EIF3C: variants seen among roughly 807,000 people sequenced by gnomAD.
EIF3C encodes eukaryotic translation initiation factor 3 subunit C, also known as cell migration-inducing protein 17.
In EIF3C, 2 loss-of-function variants were observed where a neutral mutation model predicts 11.1. That is an observed-to-expected ratio of 0.18 (90% CI 0.07 to 0.57). The LOEUF is 0.57. EIF3C is among the 20% of genes least tolerant of loss of function. The pLI, the probability that EIF3C is intolerant of heterozygous loss-of-function variation, is 0.92. For synonymous variants in EIF3C, 2 were observed against 41.5 expected (o/e 0.05, Z 3.66); for missense variants, 16 against 114.6 (o/e 0.14, Z 3.93).
At position 28,699,549 on chromosome 16, in the gene EIF3C, A is replaced by G. The variant is rs1446686307; in HGVS notation, c.-31+10721A>G. Among the ~76,000 whole-genome samples, 4 of 103,710 alleles carry G rather than the reference A, an allele frequency of 3.9e-5. 1 individual carries two copies. The highest frequency in any genetic ancestry group is 7.6e-5 in the Non-Finnish European group (4 of 52,752). 68.0% of individuals were successfully genotyped at this position (103,710 alleles called of 152,430 possible). A position where few individuals can be genotyped will look rare whatever the true frequency, so the allele number is the denominator to read the frequency against. ...GAAAATAGGAAATGTGAATCCTCCA[A>G]CTTTTTTTTTTGGAGACGGAGTCTC... On this transcript the variant is annotated intron_variant, in intron 1 of 20. Coordinates refer to the EIF3C transcript ENST00000566501.
At chr16:28,699,451 G>GGGGAGA (rs1170687043) in intron 1 of EIF3C, among the ~76,000 whole-genome samples, 1 of 95,768 alleles carries the variant, frequency 1.0e-5, no homozygotes, top group Non-Finnish European at 2.0e-5. Flanking sequence ...GGGAGACCGT[G>GGGGAGA]GGGAGAGGGA....
At chr16:28,729,804 A>T (rs572738297) in intron 15 of EIF3C, among the ~76,000 whole-genome samples, 1 of 147,882 alleles carries the variant, frequency 6.8e-6, no homozygotes, top group South Asian at 2.2e-4. Context: ...TACAAAAAAT[A>T]CAGAAACTAG....
intron 1 of EIF3C, among the ~76,000 whole-genome samples, chr16:28,697,986 C>A (rs2048250029): frequency 2.2e-5 from 1 of 46,198 alleles, no homozygotes; most frequent in African/African-American, 1.6e-4. Flanking sequence ...GGCGGCTGGC[C>A]GGGCGGGGGG....
chr16:28,700,515 C>T lies in EIF3C; in HGVS notation c.-30-11142C>T, dbSNP rs1453488805. On this transcript the variant is annotated intron_variant, in intron 1 of 20. Transcript: ENST00000566501. ...TTTTGGAGTTCCTCAGGGGGGAACT[C>T]GTCACCTCCACGGGTTCCAGGCCAT... The T allele has an allele frequency of 2.1e-5, 7 of 329,632 alleles. 2 individuals carry two copies. The highest frequency in any genetic ancestry group is 1.1e-4 in the African/African-American group (3 of 26,860). The allele number at this position is 329,632 out of a possible 1,614,324, so 20.4% of individuals were successfully genotyped here.
At position 28,723,512 on chromosome 16, in the gene EIF3C, A is replaced by AT. The variant is rs1289248808; in HGVS notation, c.1002dup (p.Glu335Ter). On this transcript the variant is annotated frameshift_variant, in exon 10 of 21. Transcript: ENST00000331666. LOFTEE classifies it high-confidence loss of function. ...CATGCTGTTGTTATCAAGAAACTGA[A>AT]TGAGATCCTACAGGCACGAGGCAAG... 1 of 1,605,472 alleles carries AT rather than the reference A, an allele frequency of 6.2e-7. No individual in the cohort carries two copies. The highest frequency in any genetic ancestry group is 1.7e-5 in the Admixed American group (1 of 59,716).
chr16:28,706,873 G>A (rs1466897167), upstream of EIF3C, among the ~76,000 whole-genome samples: 1 of 1,096 alleles, frequency 9.1e-4, no homozygotes, highest in Non-Finnish European at 1.3e-3. Context: ...AAATACGTAC[G>A]CCCACATGAA....
At chr16:28,694,394 G>C (rs1226746468) in intron 1 of EIF3C, among the ~76,000 whole-genome samples, 1 of 151,174 alleles carries the variant, frequency 6.6e-6, no homozygotes, top group African/African-American at 2.4e-5. Flanking sequence ...ATCAACCTAT[G>C]GTGACAGAAA....
chr16:28,696,803 G>T lies in EIF3C; in HGVS notation c.-31+7975G>T, dbSNP rs1441697223. Reference sequence around the variant, plus strand: ...GAAGGTTGCAGTGAGCCAAGATCATGCCACTGCCCTCCAGCCTGGGCAACA... The same window carrying T: ...GAAGGTTGCAGTGAGCCAAGATCATTCCACTGCCCTCCAGCCTGGGCAACA... On this transcript the variant is annotated intron_variant, in intron 1 of 20. Coordinates refer to the EIF3C transcript ENST00000566501. Among the ~76,000 whole-genome samples, 3 of 75,636 alleles carry T rather than the reference G, an allele frequency of 4.0e-5. 1 individual carries two copies. Among genetic ancestry groups the T allele is most frequent in the Admixed American group, 1.4e-4 (1 of 7,152 alleles). 49.6% of individuals were successfully genotyped at this position (75,636 alleles called of 152,430 possible).
rs1192711760 is a variant in EIF3C at position 28,697,645 on chromosome 16, G to C, written c.-31+8817G>C. Among the ~76,000 whole-genome samples, 183 of 69,702 alleles carry C rather than the reference G, an allele frequency of 2.6e-3. 5 individuals carry two copies. The highest frequency in any genetic ancestry group is 2.4e-3 in the Non-Finnish European group (98 of 40,902). The allele number at this position is 69,702 out of a possible 152,430, so 45.7% of individuals were successfully genotyped here. ...TCTCAATCTTTTCCCCACCTTTCCC[G>C]CCTTTCTATTCCACAAAGCCGCCAT... On this transcript the variant is annotated intron_variant, in intron 1 of 20. Coordinates refer to the EIF3C transcript ENST00000566501.
chr16:28,728,521 G>A (rs868082517), intron 15 of EIF3C, among the ~76,000 whole-genome samples: 1 of 87,012 alleles, frequency 1.1e-5, no homozygotes, highest in East Asian at 2.6e-4. Context: ...ATCTTTTAGG[G>A]GTGTGTGTGT....
intron 1 of EIF3C, among the ~76,000 whole-genome samples, chr16:28,697,891 C>T (rs1382285243): frequency 2.2e-5 from 2 of 89,560 alleles, no homozygotes; most frequent in Admixed American, 9.5e-5. Flanking sequence ...ACCTCCCTCC[C>T]GGACGGGGCG....
chr16:28,698,151 G>C (rs2048252528), intron 1 of EIF3C, among the ~76,000 whole-genome samples: 2 of 96,504 alleles, frequency 2.1e-5, no homozygotes, highest in African/African-American at 8.7e-5. Context: ...CTCCCTCCCG[G>C]ACGGGGCGGC....
At position 28,696,882 on chromosome 16, in the gene EIF3C, G is replaced by C. The variant is rs535621993; in HGVS notation, c.-31+8054G>C. On this transcript the variant is annotated intron_variant, in intron 1 of 20. Transcript: ENST00000566501. ...GACTCAGTTAAGGCACCACTGGAGA[G>C]ACCACACCCCAGAAAGAATGGTTTG... Among the ~76,000 whole-genome samples the C allele has an allele frequency of 3.4e-3, 173 of 51,444 alleles. 68 individuals are homozygous for C. The highest frequency in any genetic ancestry group is 0.021 in the South Asian group (11 of 530). The allele number at this position is 51,444 out of a possible 152,430, so 33.7% of individuals were successfully genotyped here.
chr16:28,700,653 C>T lies in EIF3C; in HGVS notation c.-30-11004C>T, dbSNP rs546943939. 803 of 217,172 alleles carry T rather than the reference C, an allele frequency of 3.7e-3. 210 individuals are homozygous for T. The highest frequency in any genetic ancestry group is 5.1e-3 in the Non-Finnish European group (609 of 119,838). 13.5% of individuals were successfully genotyped at this position (217,172 alleles called of 1,614,324 possible). ...GGCTCCGTGGAGGCTTCCAGCTCGT[C>T]CTTGAAGCTCTCCATGCACTAGCAG... is the stretch of plus-strand genomic sequence containing the variant. On this transcript the variant is annotated intron_variant, in intron 1 of 20. Transcript: ENST00000566501.
chr16:28,689,142 C>T lies in EIF3C; in HGVS notation c.-31+314C>T, dbSNP rs1299382578. The stretch of plus-strand genomic sequence containing the variant: ...GCGAGGCTGGTCTCGAACTCCTGAC[C>T]TCTTGATCTGCCTGCCTCAGCCTCC... On this transcript the variant is annotated intron_variant, in intron 1 of 20. Coordinates refer to the EIF3C transcript ENST00000566501. Among the ~76,000 whole-genome samples, 25 of 40,514 alleles carry T rather than the reference C, an allele frequency of 6.2e-4. 9 individuals carry two copies. The highest frequency in any genetic ancestry group is 8.8e-4 in the Non-Finnish European group (21 of 23,928). The allele number at this position is 40,514 out of a possible 152,430, so 26.6% of individuals were successfully genotyped here.
At position 28,689,462 on chromosome 16, in the gene EIF3C, G is replaced by A. The variant is rs1262988978; in HGVS notation, c.-31+634G>A. 4.0e-5 allele frequency among the ~76,000 whole-genome samples: 2 copies of A among 49,614 alleles called. 1 individual carries two copies. Among genetic ancestry groups the A allele is most frequent in the Non-Finnish European group, 7.2e-5 (2 of 27,890 alleles). 32.5% of individuals were successfully genotyped at this position (49,614 alleles called of 152,430 possible). The stretch of plus-strand genomic sequence containing the variant: ...AGCTCCAAGGGAATGGGAACTGGAC[G>A]TCGGTAATCTGTGATGTGCTGTGGC... On this transcript the variant is annotated intron_variant, in intron 1 of 20. Coordinates refer to the EIF3C transcript ENST00000566501.
chr16:28,732,416 G>GTTTTTTTTTT (rs2048452185), intron 16 of EIF3C, among the ~76,000 whole-genome samples: 1 of 29,356 alleles, frequency 3.4e-5, no homozygotes, highest in Non-Finnish European at 7.5e-5. Context: ...TCCCAGTGGA[G>GTTTTTTTTTT]AAACTGAGGC....
intron 1 of EIF3C, among the ~76,000 whole-genome samples, chr16:28,704,174 A>G (rs1275019320): frequency 2.7e-5 from 1 of 37,234 alleles, no homozygotes; most frequent in Non-Finnish European, 4.7e-5. Context: ...AGAATCGCTT[A>G]AACCCGGGAG....
chr16:28,700,645 C>CA (rs1567342189), intron 1 of EIF3C: 1 of 223,508 alleles, frequency 4.5e-6, no homozygotes, highest in Non-Finnish European at 8.1e-6. Flanking sequence ...TGGAGGCTTC[C>CA]AGCTCGTCCT....
Sources: allele counts gnomAD v4.1 joint callset (sites outside exome capture counted in the v4.1 genomes callset), GRCh38; gene constraint gnomAD v4.1.1; transcripts MANE v1.5; gene names NCBI Gene and HGNC (gene_info 2026-07-23, HGNC 2026-07-21).